The following ADGRB1 variants were observed in gnomAD, a reference collection of about 807,000 sequenced individuals.
ADGRB1 encodes the protein adhesion G protein-coupled receptor B1.
Under a neutral mutation model 175.7 loss-of-function variants are expected in ADGRB1, and 36 were observed. That is an observed-to-expected ratio of 0.20 (90% CI 0.16 to 0.27). The LOEUF is 0.27. Ranked by LOEUF, ADGRB1 falls within the 10% of genes least tolerant of loss-of-function variation. ADGRB1 has a pLI of 1.00. For missense variants in ADGRB1, 1,731 were observed against 2,255.3 expected, an observed-to-expected ratio of 0.77 and a Z score of 4.71; for synonymous variants, 1,054 against 979.4, an observed-to-expected ratio of 1.08 and a Z score of -1.42.
intron 6 of ADGRB1, 142 bp from the exon 7 acceptor site, chr8:142,478,045 G>A: frequency 8.9e-7 from 1 of 1,124,394 alleles, no homozygotes; most frequent in East Asian, 2.6e-5. Context: ...GCTGGCCGTG[G>A]GTGGTGGCCC....
chr8:142,459,118 G>T (rs559534083), intron 1 of ADGRB1, among the ~76,000 whole-genome samples: 68 of 152,230 alleles, frequency 4.5e-4, no homozygotes, highest in Non-Finnish European at 8.1e-4. Context: ...TGGAGGCCTG[G>T]CATGGGGTGG....
chr8:142,515,054 G>T (rs994948988), intron 18 of ADGRB1, among the ~76,000 whole-genome samples: 3 of 152,140 alleles, frequency 2.0e-5, no homozygotes, highest in Non-Finnish European at 2.9e-5. Context: ...GTGGAAACTG[G>T]CAGAGACTCG....
In ADGRB1 at chr8:142,542,279, C is replaced by CCCACGG. The variant is rs760729521; in HGVS notation, c.4057_4062dup (p.Ala1353_Thr1354dup). On this transcript the variant is annotated inframe_insertion, in exon 28 of 31. Coordinates refer to ENST00000517894, the MANE Select transcript of ADGRB1 (RefSeq NM_001702.3). This position sits in a 1 kb window ranked among gnomAD's most constrained non-coding sequence, Gnocchi z 6.3. ...TCTGGACACGAGCTACGTGATCCTG[C>CCCACGG]CCACGGCCACGGCCACGCTGCGGCC... 2.4e-5 allele frequency: 39 copies of CCCACGG among 1,613,314 alleles called. No individual in the cohort carries two copies. The highest frequency in any genetic ancestry group is 3.0e-5 in the Non-Finnish European group (35 of 1,179,844).
intron 25 of ADGRB1, among the ~76,000 whole-genome samples, chr8:142,535,897 G>A (rs1844895422): frequency 6.6e-6 from 1 of 152,196 alleles, no homozygotes; most frequent in African/African-American, 2.4e-5. Flanking sequence ...GTGTCCGGGG[G>A]TCAGAGGCCA....
At chr8:142,497,767 G>A (rs2131934682) in intron 17 of ADGRB1, among the ~76,000 whole-genome samples, 1 of 152,356 alleles carries the variant, frequency 6.6e-6, no homozygotes, top group South Asian at 2.1e-4. Flanking sequence ...TTGGTCCTTG[G>A]GTAGGGGCAG....
At chr8:142,500,266 ACG>A (rs1842434607) in intron 17 of ADGRB1, among the ~76,000 whole-genome samples, 5 of 4,230 alleles carry the variant, frequency 1.2e-3, no homozygotes, top group Non-Finnish European at 1.4e-3. Flanking sequence ...CCACCTCCCC[ACG>A]CGCCGCTCCT....
rs201884655 is a variant in ADGRB1 at position 142,488,548 on chromosome 8, C to T, written c.2452+41C>T. On this transcript the variant is annotated intron_variant, in intron 14 of 30. Coordinates refer to ENST00000517894, the MANE Select transcript of ADGRB1 (RefSeq NM_001702.3). ...AGTGGAGGGGGACCTTCATGGGGGA[C>T]GTGGGCCCCAGAGTCGGACGGTCAC... 1,960 of 1,601,790 alleles carry T rather than the reference C, an allele frequency of 1.2e-3. 3 individuals are homozygous for T. Among genetic ancestry groups the T allele is most frequent in the Non-Finnish European group, 1.6e-3 (1,839 of 1,172,048 alleles).
At chr8:142,475,700 G>T (rs1026285524) in intron 3 of ADGRB1, 65 bp downstream of exon 3, 4 of 1,176,470 alleles carry the variant, frequency 3.4e-6, no homozygotes, top group Non-Finnish European at 4.2e-6. Flanking sequence ...AGGGAGGAGA[G>T]GGGGGTGGGG....
At position 142,542,428 on chromosome 8, in the gene ADGRB1, C is replaced by T. The variant is rs1377039594; in HGVS notation, c.4194C>T (p.Pro1398=). 2.0e-5 allele frequency: 30 copies of T among 1,523,856 alleles called. No homozygotes were observed. The highest frequency in any genetic ancestry group is 2.6e-5 in the Non-Finnish European group (30 of 1,135,502). 94.4% of individuals were successfully genotyped at this position (1,523,856 alleles called of 1,614,324 possible). ...CCCGCAGCCCGCCCTCCCGCCAGCC[C>T]CCCAGCGGCGGGCCCCCCGAGGCAC... is the stretch of plus-strand genomic sequence containing the variant. ...LPARSPPSRQ[P]PSGGPPEAPP... The change falls in exon 28 of 31, where the codon CCC becomes CCT. Residue 1398 remains proline, a synonymous_variant. Transcript: ENST00000517894. This position sits in a 1 kb window ranked among gnomAD's most constrained non-coding sequence, Gnocchi z 6.3.
intron 24 of ADGRB1, among the ~76,000 whole-genome samples, chr8:142,529,573 ACT>A (rs1844469771): frequency 6.7e-6 from 1 of 150,132 alleles, no homozygotes; most frequent in East Asian, 2.0e-4. Context: ...AGTGCAACCC[ACT>A]GTGCATGTGT....
chr8:142,526,338 G>C (rs891729507), intron 23 of ADGRB1, among the ~76,000 whole-genome samples: 4 of 152,220 alleles, frequency 2.6e-5, no homozygotes, highest in African/African-American at 9.7e-5. Flanking sequence ...GACACACAGA[G>C]AGGGCCCTGC....
rs919361145 is a variant in ADGRB1, at chr8:142,539,238, G to T, written c.3667-136G>T. ...GGGGAGGCATGGTCGCCCACGTGGG[G>T]CACTGGGCTGTGGACATGGACAGGG... is the stretch of plus-strand genomic sequence containing the variant. On this transcript the variant is annotated intron_variant, in intron 26 of 30. Transcript: ENST00000517894. The T allele has an allele frequency of 2.6e-5, 22 of 839,282 alleles. No homozygotes were observed. The African/African-American group carries it at 3.8e-4, about 14-fold the overall frequency. 52.0% of individuals were successfully genotyped at this position (839,282 alleles called of 1,614,324 possible). A position where few individuals can be genotyped will look rare whatever the true frequency, so the allele number is the denominator to read the frequency against.
intron 2 of ADGRB1, among the ~76,000 whole-genome samples, chr8:142,469,555 G>T (rs1840511403): frequency 6.7e-6 from 1 of 148,302 alleles, no homozygotes; most frequent in Non-Finnish European, 1.5e-5. Flanking sequence ...GCACGTGCAT[G>T]TGTGTGAATG....
intron 20 of ADGRB1, 72 bp downstream of exon 20, chr8:142,520,997 C>A (rs1033638289): frequency 2.7e-5 from 39 of 1,447,544 alleles, no homozygotes; most frequent in Non-Finnish European, 3.5e-5. Flanking sequence ...CAGGAGGGGC[C>A]TGGACCGTGG....
At position 142,511,265 on chromosome 8, in the gene ADGRB1, G is replaced by T. The variant is rs1468260437; in HGVS notation, c.2817+192G>T. ...GGAGAGGGTGGGTGGGCGCCGAGCG[G>T]GTGGCAGTGTGGAGTTGGAGACGGG... On this transcript the variant is annotated intron_variant, in intron 18 of 30. Transcript: ENST00000517894. This position sits in a 1 kb window ranked among gnomAD's most constrained non-coding sequence, Gnocchi z 4.5. 5.3e-5 allele frequency among the ~76,000 whole-genome samples: 8 copies of T among 151,952 alleles called. No individual in the cohort carries two copies. Among genetic ancestry groups the T allele is most frequent in the Admixed American group, 3.9e-4 (6 of 15,294 alleles).
At chr8:142,502,578 TTC>T (rs1185731039) in intron 17 of ADGRB1, among the ~76,000 whole-genome samples, 1 of 142,424 alleles carries the variant, frequency 7.0e-6, no homozygotes, top group Admixed American at 6.8e-5. Context: ...AGGATGGTGG[TTC>T]AGTCATCACT....
chr8:142,471,623 A>C (rs957857178), intron 2 of ADGRB1, among the ~76,000 whole-genome samples: 1 of 152,250 alleles, frequency 6.6e-6, no homozygotes, highest in Non-Finnish European at 1.5e-5. Context: ...TGAGGCTTTA[A>C]GGAGATGGAG....
At chr8:142,528,972 C>T (rs960333378) in intron 24 of ADGRB1, among the ~76,000 whole-genome samples, 4 of 152,214 alleles carry the variant, frequency 2.6e-5, no homozygotes, top group Admixed American at 2.0e-4. Flanking sequence ...CGAGTGTGTG[C>T]CAGGCTGCAA....
At position 142,510,711 on chromosome 8, in the gene ADGRB1, C is replaced by G. The variant is rs1339494305; in HGVS notation, c.2676-221C>G. Among the ~76,000 whole-genome samples the G allele has an allele frequency of 6.9e-6, 1 of 144,622 alleles. No homozygotes were observed. Among genetic ancestry groups the G allele is most frequent in the Non-Finnish European group, 1.5e-5 (1 of 65,312 alleles). The allele number at this position is 144,622 out of a possible 152,430, so 94.9% of individuals were successfully genotyped here. ...CTCCCTCGGGCTGCGCTCCGCGGCT[C>G]TCGGCGGCGGCGGCGGCGGGCGCAG... On this transcript the variant is annotated intron_variant, in intron 17 of 30. Coordinates refer to ENST00000517894, the MANE Select transcript of ADGRB1 (RefSeq NM_001702.3). The surrounding 1 kb of genome is among the most constrained non-coding windows in gnomAD (Gnocchi z 6.3).
Sources: allele counts gnomAD v4.1 joint callset (sites outside exome capture counted in the v4.1 genomes callset), GRCh38; gene constraint gnomAD v4.1.1; non-coding constraint Gnocchi (gnomAD v3.1); transcripts MANE v1.5; gene names NCBI Gene and HGNC (gene_info 2026-07-23, HGNC 2026-07-21).